ITPK1: variants seen among roughly 807,000 people sequenced by gnomAD.
ITPK1 encodes the protein inositol 1,3,4-trisphosphate 5/6-kinase.
A neutral mutation model predicts 45.3 loss-of-function variants in ITPK1; 21 were observed. That is an observed-to-expected ratio of 0.46 (90% CI 0.33 to 0.67). The LOEUF is 0.67. Among genes scored for constraint, ITPK1 ranks in the 30% least tolerant of loss-of-function variants. The pLI is 0.02. For missense variants in ITPK1, 474 were observed against 573.5 expected (o/e 0.83, Z 1.77); for synonymous variants, 258 against 253.6 (o/e 1.02, Z -0.16).
chr14:92,962,639 A>T, intron 6 of ITPK1, 112 bp downstream of exon 6: 1 of 879,742 alleles, frequency 1.1e-6, no homozygotes, highest in Non-Finnish European at 1.9e-6. Context: ...CCATGTGCTC[A>T]TCCATCCTCG....
chr14:92,952,435 C>T (rs1343695628), intron 8 of ITPK1, among the ~76,000 whole-genome samples: 2 of 152,142 alleles, frequency 1.3e-5, no homozygotes, highest in Admixed American at 1.3e-4. Context: ...TCCCAGCCCA[C>T]GGGACTCTCT....
intron 3 of ITPK1, chr14:93,067,616 T>C (rs1260635764): frequency 6.6e-6 from 1 of 151,890 alleles, no homozygotes; most frequent in Non-Finnish European, 1.5e-5. Flanking sequence ...CCACTCAGAG[T>C]ATGACGACAG....
Position 92,941,053 on chromosome 14 carries a change from T to C in ITPK1, c.*508A>G, listed in dbSNP as rs899242946. ...AGGCAGGGTGGGGGCTAACAAAGCC[T>C]TGGTGGAGACCAGTAGGAGGAAAAA... is the stretch of plus-strand genomic sequence containing the variant. On this transcript the variant is annotated 3_prime_UTR_variant, in exon 11 of 11. Coordinates refer to ENST00000267615, the MANE Select transcript of ITPK1 (RefSeq NM_014216.6). 5 of 1,220,110 alleles carry C rather than the reference T, an allele frequency of 4.1e-6. No homozygotes were observed. Among genetic ancestry groups the C allele is most frequent in the East Asian group, 5.7e-5 (1 of 17,448 alleles). 75.6% of individuals were successfully genotyped at this position (1,220,110 alleles called of 1,614,324 possible). A position where few individuals can be genotyped will look rare whatever the true frequency, so the allele number is the denominator to read the frequency against.
In ITPK1 at chr14:93,025,169, C is replaced by T. The variant is rs1237894507; in HGVS notation, c.121-8368G>A. On this transcript the variant is annotated intron_variant, in intron 3 of 10. Transcript: ENST00000267615. ...AATCAGGGTCTTTCCATCCTGCCGG[C>T]CACCGACACAGCACACCACTGTCAG... Among the ~76,000 whole-genome samples, 7 of 152,120 alleles carry T rather than the reference C, an allele frequency of 4.6e-5. No individual in the cohort carries two copies. In the South Asian group the frequency reaches 6.2e-4, roughly 14 times the overall value.
chr14:93,114,969 G>A (rs1019247958), intron 2 of ITPK1, 100 bp downstream of exon 2: 5 of 618,574 alleles, frequency 8.1e-6, no homozygotes, highest in Admixed American at 4.2e-5. Context: ...GTTTGGCTCC[G>A]ATCTCCCAAA....
At chr14:92,946,848 C>T (rs1322365992) in intron 9 of ITPK1, among the ~76,000 whole-genome samples, 3 of 152,242 alleles carry the variant, frequency 2.0e-5, no homozygotes, top group African/African-American at 4.8e-5. Context: ...TATTTTTTAG[C>T]CTCTAAAACC....
chr14:93,000,159 T>C (rs1887265642), intron 4 of ITPK1, among the ~76,000 whole-genome samples: 2 of 152,230 alleles, frequency 1.3e-5, no homozygotes, highest in Admixed American at 6.5e-5. Flanking sequence ...TGGAAGGAAT[T>C]TGGGTTGTTT....
chr14:93,008,199 A>C (rs1434358237), intron 4 of ITPK1, among the ~76,000 whole-genome samples: 2 of 150,882 alleles, frequency 1.3e-5, no homozygotes, highest in African/African-American at 4.9e-5. Context: ...AGTAACAAGG[A>C]CCTCCCTGTT....
chr14:93,037,787 G>A (rs1026333478), intron 3 of ITPK1, among the ~76,000 whole-genome samples: 1 of 152,202 alleles, frequency 6.6e-6, no homozygotes, highest in African/African-American at 2.4e-5. Context: ...TGTCTATAAA[G>A]TAATACAGCT....
intron 3 of ITPK1, among the ~76,000 whole-genome samples, chr14:93,043,596 A>C (rs1889654986): frequency 6.6e-6 from 1 of 152,218 alleles, no homozygotes; most frequent in South Asian, 2.1e-4. Context: ...AACAAAGTGC[A>C]CCAGGCAGGA....
At chr14:93,106,006 C>G (rs1001401238) in intron 2 of ITPK1, among the ~76,000 whole-genome samples, 1 of 152,172 alleles carries the variant, frequency 6.6e-6, no homozygotes, top group African/African-American at 2.4e-5. Context: ...CGCCCATCCC[C>G]TGGTGTCTCT....
At chr14:93,107,981 C>T (rs932537252) in intron 2 of ITPK1, among the ~76,000 whole-genome samples, 1 of 152,230 alleles carries the variant, frequency 6.6e-6, no homozygotes, top group Non-Finnish European at 1.5e-5. Context: ...AAGGCCTGTT[C>T]ACAAGGAGGC....
Position 92,974,422 on chromosome 14 carries a change from C to T in ITPK1, c.365-11573G>A, listed in dbSNP as rs186218415. On this transcript the variant is annotated intron_variant, in intron 5 of 10. Transcript: ENST00000267615. ...GGACAAACAGCCTGGCTCCTGGAAG[C>T]CACCTGAAAATCTATGACAGCCCTG... Among the ~76,000 whole-genome samples, 243 of 152,314 alleles carry T rather than the reference C, an allele frequency of 1.6e-3. 1 individual carries two copies. Among genetic ancestry groups the T allele is most frequent in the Non-Finnish European group, 2.7e-3 (183 of 68,012 alleles).
At chr14:93,103,521 C>T (rs973912154) in intron 2 of ITPK1, among the ~76,000 whole-genome samples, 11 of 152,140 alleles carry the variant, frequency 7.2e-5, no homozygotes, top group Non-Finnish European at 1.3e-4. Flanking sequence ...GAGACAACTG[C>T]CCTGAAGCTC....
At chr14:92,948,779 G>T (rs899719977) in intron 9 of ITPK1, among the ~76,000 whole-genome samples, 1 of 152,152 alleles carries the variant, frequency 6.6e-6, no homozygotes, top group South Asian at 2.1e-4. Context: ...GCGCTGAGCA[G>T]GGACCCACGC....
rs1203679884 is a variant in ITPK1, at chr14:92,941,814, C to T, written c.992G>A (p.Gly331Glu). 8 of 1,611,484 alleles carry T rather than the reference C, an allele frequency of 5.0e-6. No homozygotes were observed. The highest frequency in any genetic ancestry group is 1.3e-5 in the African/African-American group (1 of 74,934). Residue 331 changes from glycine to glutamate, a missense_variant, in exon 11 of 11, where the codon GGG (glycine) becomes GAG (glutamate). Coordinates refer to ENST00000267615, the MANE Select transcript of ITPK1 (RefSeq NM_014216.6). ...QGQSTAMAAT[G>E]DVALLRHSKL... ...GCTGTGCCTCAGCAGGGCCACGTCC[C>T]CTGTGGCTGCCATGGCTGTGCTCTG... is the stretch of plus-strand genomic sequence containing the variant.
At chr14:93,028,855 C>A (rs1888889203) in intron 3 of ITPK1, among the ~76,000 whole-genome samples, 1 of 152,242 alleles carries the variant, frequency 6.6e-6, no homozygotes, top group South Asian at 2.1e-4. Context: ...ATTGAGAACA[C>A]TTCACTGCCT....
intron 8 of ITPK1, among the ~76,000 whole-genome samples, chr14:92,957,290 G>A (rs540949510): frequency 1.3e-5 from 2 of 152,348 alleles, no homozygotes; most frequent in Non-Finnish European, 2.9e-5. Flanking sequence ...AAGCCACAGC[G>A]GGGCAGTGAG....
rs769454574 is a variant in ITPK1 at position 92,941,513 on chromosome 14, G to C, written c.*48C>G. 1.1e-5 allele frequency: 16 copies of C among 1,466,036 alleles called. No homozygotes were observed. The highest frequency in any genetic ancestry group is 1.5e-5 in the African/African-American group (1 of 67,682). The allele number at this position is 1,466,036 out of a possible 1,614,324, so 90.8% of individuals were successfully genotyped here. A position where few individuals can be genotyped will look rare whatever the true frequency, so the allele number is the denominator to read the frequency against. On this transcript the variant is annotated 3_prime_UTR_variant, in exon 11 of 11. Transcript: ENST00000267615. ...CGCCGTTGGGAGCTGCTGGCCCAGCGGGTGTGCTCTGCGCCCTGCGCTGCC... is the reference window on the plus strand; with the variant it reads ...CGCCGTTGGGAGCTGCTGGCCCAGCCGGTGTGCTCTGCGCCCTGCGCTGCC...
Sources: gnomAD v4.1 joint callset for allele counts (sites outside exome capture counted in the v4.1 genomes callset) on GRCh38, gnomAD v4.1.1 for gene constraint, MANE v1.5 for transcripts, NCBI Gene and HGNC (gene_info 2026-07-23, HGNC 2026-07-21) for gene names.